Variants in TRAF1 observed in about 807,000 individuals in gnomAD.
TRAF1 encodes TNF receptor-associated factor 1.
A neutral mutation model predicts 40.9 loss-of-function variants in TRAF1; 23 were observed. The observed-to-expected ratio is 0.56, with a 90% CI of 0.40 to 0.80. The LOEUF (loss-of-function observed/expected upper bound fraction) is 0.80. TRAF1 is among the 30% of genes least tolerant of loss of function. The probability of loss-of-function intolerance (pLI) is 0.00; values close to 1 mark genes in which losing one functional copy is unlikely to be tolerated. For synonymous variants in TRAF1, 206 were observed against 218.8 expected (o/e 0.94, Z 0.52); for missense variants, 477 against 528.7 (o/e 0.90, Z 0.96).
rs1193437158 is a variant in TRAF1, at chr9:120,904,319, GT to G, written c.*700del. 2 of 152,560 alleles carry G rather than the reference GT, an allele frequency of 1.3e-5. No homozygotes were observed. The highest frequency in any genetic ancestry group is 4.8e-5 in the African/African-American group (2 of 41,444). 9.5% of individuals were successfully genotyped at this position (152,560 alleles called of 1,614,324 possible). ...GTGCCCTGTGGACCAGGTCAGTCCA[GT>G]GGGGGTTACTGAAGGTGAGTGAGGA... On this transcript the variant is annotated 3_prime_UTR_variant, in exon 8 of 8. Transcript: ENST00000373887.
At chr9:120,916,560 T>G (rs530684874) in intron 3 of TRAF1, among the ~76,000 whole-genome samples, 145 of 152,264 alleles carry the variant, frequency 9.5e-4, no homozygotes, top group African/African-American at 3.4e-3. Flanking sequence ...TCTTTCGGAC[T>G]GAGCAAATAC....
chr9:120,916,926 C>G (rs767720889), intron 3 of TRAF1, among the ~76,000 whole-genome samples: 4 of 152,152 alleles, frequency 2.6e-5, no homozygotes, highest in Admixed American at 2.6e-4. Context: ...GGGAGCCTTT[C>G]AGGTCCCACC....
rs377215261 is a variant in TRAF1, at chr9:120,905,016, C to T, written c.*4G>A. The T allele has an allele frequency of 1.9e-6, 3 of 1,612,112 alleles. No homozygotes were observed. The highest frequency in any genetic ancestry group is 2.7e-5 in the African/African-American group (2 of 74,920). On this transcript the variant is annotated 3_prime_UTR_variant, in exon 8 of 8. Transcript: ENST00000373887. ...TTGGAGCTCCCTCAGGAGCCCCGCCCACCCTAAGTGCTGGTCTCCACAATG... is the reference window on the plus strand; with the variant it reads ...TTGGAGCTCCCTCAGGAGCCCCGCCTACCCTAAGTGCTGGTCTCCACAATG...
At chr9:120,921,823 G>T (rs557261229) in intron 3 of TRAF1, among the ~76,000 whole-genome samples, 1 of 152,172 alleles carries the variant, frequency 6.6e-6, no homozygotes, top group Non-Finnish European at 1.5e-5. Context: ...CTGAATGAGA[G>T]GGACCAGCTC....
chr9:120,918,297 A>T (rs1335804390), intron 3 of TRAF1, among the ~76,000 whole-genome samples: 1 of 152,110 alleles, frequency 6.6e-6, no homozygotes, highest in Non-Finnish European at 1.5e-5. Context: ...TGCCTAACAC[A>T]GTGTTCAATA....
Position 120,913,642 on chromosome 9 carries a change from C to A in TRAF1, c.391G>T (p.Gly131Cys). The change falls in exon 5 of 8, where the codon GGC (glycine) becomes TGC (cysteine). Residue 131 changes from glycine to cysteine, a missense_variant. Gly to Cys is a radical substitution (Grantham distance 159). Coordinates refer to ENST00000373887, the MANE Select transcript of TRAF1 (RefSeq NM_005658.5). ...ATGGGCCCAGACTCCAGGCCACAGC[C>A]CAGCCGGGCCTTCCACTGTTTCATG... ...GFMKQWKARL[G>C]CGLESGPMAL... The A allele has an allele frequency of 6.2e-7, 1 of 1,613,534 alleles. No individual in the cohort carries two copies.
At chr9:120,908,741 G>A (rs2046502247) in intron 7 of TRAF1, among the ~76,000 whole-genome samples, 2 of 152,042 alleles carry the variant, frequency 1.3e-5, no homozygotes, top group Admixed American at 1.3e-4. Flanking sequence ...TTTATTTTTA[G>A]TAGAGACGGG....
At position 120,905,407 on chromosome 9, in the gene TRAF1, G is replaced by A. The variant is rs574298435; in HGVS notation, c.1033-169C>T. On this transcript the variant is annotated intron_variant, in intron 7 of 7. Transcript: ENST00000373887. Reference sequence around the variant, plus strand: ...AAACCAAGTAAGGAGCGCACCTGGCGTATGGCCAGACCCAGGGAGCCAGCG... The same window carrying A: ...AAACCAAGTAAGGAGCGCACCTGGCATATGGCCAGACCCAGGGAGCCAGCG... 5.9e-5 allele frequency among the ~76,000 whole-genome samples: 9 copies of A among 152,352 alleles called. No homozygotes were observed. The South Asian group carries it at 1.4e-3, about 25-fold the overall frequency.
Position 120,904,762 on chromosome 9 carries a change from C to T in TRAF1, c.*258G>A. On this transcript the variant is annotated 3_prime_UTR_variant, in exon 8 of 8. Coordinates refer to ENST00000373887, the MANE Select transcript of TRAF1 (RefSeq NM_005658.5). ...TTCGGGGCCGGAGTGGCTCACTGGCCTCCCAGTGTCGCATGGTCCGTGCAG... is the reference window on the plus strand; with the variant it reads ...TTCGGGGCCGGAGTGGCTCACTGGCTTCCCAGTGTCGCATGGTCCGTGCAG... The T allele has an allele frequency of 2.0e-6, 1 of 506,872 alleles. No individual in the cohort carries two copies. Among genetic ancestry groups the T allele is most frequent in the Non-Finnish European group, 3.5e-6 (1 of 281,864 alleles). The allele number at this position is 506,872 out of a possible 1,614,324, so 31.4% of individuals were successfully genotyped here. A position where few individuals can be genotyped will look rare whatever the true frequency, so the allele number is the denominator to read the frequency against.
At chr9:120,918,119 C>T (rs1342572464) in intron 3 of TRAF1, among the ~76,000 whole-genome samples, 1 of 152,116 alleles carries the variant, frequency 6.6e-6, no homozygotes, top group African/African-American at 2.4e-5. Context: ...AATACCGTGC[C>T]TTGAACTTCT....
chr9:120,919,550 T>C (rs2046591460), intron 3 of TRAF1, among the ~76,000 whole-genome samples: 1 of 152,130 alleles, frequency 6.6e-6, no homozygotes, highest in Non-Finnish European at 1.5e-5. Flanking sequence ...TGGGCTGAGG[T>C]CAGGGATGCC....
intron 3 of TRAF1, among the ~76,000 whole-genome samples, chr9:120,915,950 A>G (rs1024605407): frequency 6.6e-6 from 1 of 152,202 alleles, no homozygotes; most frequent in African/African-American, 2.4e-5. Context: ...TTACCATACA[A>G]TCCACACATT....
chr9:120,928,844 C>G (rs552507773), upstream of TRAF1: 1 of 152,396 alleles, frequency 6.6e-6, no homozygotes, highest in East Asian at 1.9e-4. Flanking sequence ...GTCGCCACCT[C>G]CACATATCCA....
At chr9:120,918,207 C>A (rs1390444608) in intron 3 of TRAF1, among the ~76,000 whole-genome samples, 2 of 152,046 alleles carry the variant, frequency 1.3e-5, no homozygotes, top group Admixed American at 1.3e-4. Flanking sequence ...GCAGCCCTGG[C>A]AAATGCATAG....
rs1288116253 is a variant in TRAF1, at chr9:120,913,343, C to T, written c.690G>A (p.Leu230=). 6.2e-7 allele frequency: 1 copy of T among 1,608,932 alleles called. No homozygotes were observed. Among genetic ancestry groups the T allele is most frequent in the South Asian group, 1.1e-5 (1 of 90,730 alleles). The change falls in exon 5 of 8, where the codon CTG becomes CTA. Residue 230 remains leucine, a synonymous_variant. Coordinates refer to ENST00000373887, the MANE Select transcript of TRAF1 (RefSeq NM_005658.5). ...HQSQLDRERI[L]SLEQRVVELQ... ...CCACACTCACCCTCTGCTCCAAGCTCAGGATGCGCTCACGGTCCAGCTGGC... is the reference window on the plus strand; with the variant it reads ...CCACACTCACCCTCTGCTCCAAGCTTAGGATGCGCTCACGGTCCAGCTGGC...
At chr9:120,920,418 G>C (rs954322534) in intron 3 of TRAF1, among the ~76,000 whole-genome samples, 1 of 151,972 alleles carries the variant, frequency 6.6e-6, no homozygotes, top group Non-Finnish European at 1.5e-5. Context: ...GGACTAGACA[G>C]CTTAAACCCT....
At chr9:120,915,282 GC>G (rs2046561767) in intron 3 of TRAF1, among the ~76,000 whole-genome samples, 2 of 152,124 alleles carry the variant, frequency 1.3e-5, no homozygotes, top group South Asian at 4.1e-4. Flanking sequence ...TTGCCCCTAG[GC>G]TACAAACCTG....
intron 2 of TRAF1, 90 bp from the exon 3 acceptor site, chr9:120,923,882 A>G (rs1184978086): frequency 1.7e-6 from 2 of 1,181,696 alleles, no homozygotes; most frequent in African/African-American, 3.0e-5. Context: ...CTCAACTATC[A>G]GCAGGGTGGT....
At chr9:120,925,634 C>T (rs145976731) in intron 2 of TRAF1, among the ~76,000 whole-genome samples, 128 of 152,322 alleles carry the variant, frequency 8.4e-4, no homozygotes, top group East Asian at 4.4e-3. Context: ...AAGCGAGCTG[C>T]GGCTTAGGGA....
Sources: gnomAD v4.1 joint callset for allele counts (sites outside exome capture counted in the v4.1 genomes callset) on GRCh38, gnomAD v4.1.1 for gene constraint, MANE v1.5 for transcripts, NCBI Gene and HGNC (gene_info 2026-07-23, HGNC 2026-07-21) for gene names.